Variants in PDXK observed in about 807,000 individuals in gnomAD.
PDXK encodes the protein pyridoxal kinase.
A neutral mutation model predicts 43.2 loss-of-function variants in PDXK; 15 were observed. The observed-to-expected ratio is 0.35, with a 90% confidence interval of 0.23 to 0.53. The LOEUF is 0.53. PDXK is among the 20% of genes least tolerant of loss of function. The pLI is 0.92. For missense variants in PDXK, 343 were observed against 417.0 expected (o/e 0.82, Z 1.54); for synonymous variants, 172 against 165.4 (o/e 1.04, Z -0.31).
chr21:43,747,316 A>G (rs2147288677), intron 5 of PDXK: 1 of 152,344 alleles, frequency 6.6e-6, no homozygotes, highest in East Asian at 1.9e-4. Context: ...TGGGTTTTTA[A>G]CTCAGCCATT....
intron 1 of PDXK, among the ~76,000 whole-genome samples, chr21:43,727,113 C>T (rs1176292867): frequency 2.0e-5 from 3 of 152,144 alleles, no homozygotes; most frequent in Non-Finnish European, 2.9e-5. Flanking sequence ...AAGGGAGGGG[C>T]GGATCCGCAG....
intron 2 of PDXK, chr21:43,738,913 C>T (rs996669415): frequency 6.6e-6 from 1 of 151,576 alleles, no homozygotes; most frequent in Non-Finnish European, 1.5e-5. Context: ...TGGCTCCTAC[C>T]TTTATGAACT....
rs1010951907 is a variant in PDXK at position 43,754,536 on chromosome 21, C to G, written c.759+817C>G. On this transcript the variant is annotated intron_variant, in intron 9 of 10. Coordinates refer to ENST00000291565, the MANE Select transcript of PDXK (RefSeq NM_003681.5). This position sits in a 1 kb window ranked among gnomAD's most constrained non-coding sequence, Gnocchi z 5.5. The stretch of plus-strand genomic sequence containing the variant: ...CCTGGAGTGTGTCTTCTTACAACAC[C>G]GTCCAGAGCCGTGCTGTGCTCTGAG... Among the ~76,000 whole-genome samples, 1 of 152,136 alleles carries G rather than the reference C, an allele frequency of 6.6e-6. No individual in the cohort carries two copies. The highest frequency in any genetic ancestry group is 2.1e-4 in the South Asian group (1 of 4,832).
At chr21:43,736,844 G>A in intron 2 of PDXK, 1 of 685,114 alleles carries the variant, frequency 1.5e-6, no homozygotes, top group Non-Finnish European at 2.7e-6. Context: ...TGTTGCCCAA[G>A]GTGGTCTTGA....
At chr21:43,724,190 T>C (rs1044045911) in intron 1 of PDXK, among the ~76,000 whole-genome samples, 3 of 152,208 alleles carry the variant, frequency 2.0e-5, no homozygotes, top group African/African-American at 7.2e-5. Flanking sequence ...GGAGGTTGTA[T>C]TTCTCTGTCT....
Position 43,732,322 on chromosome 21 carries a change from C to T in PDXK, c.88-1747C>T, listed in dbSNP as rs367948161. 120 of 1,604,050 alleles carry T rather than the reference C, an allele frequency of 7.5e-5. No homozygotes were observed. The African/African-American group carries it at 1.3e-3, about 17-fold the overall frequency. ...GCTCCCGTCCTGGACCTTGGCACCC[C>T]GCCCCCCGTGCATTGTCGTCTTCTG... On this transcript the variant is annotated intron_variant, in intron 1 of 10. Coordinates refer to ENST00000291565, the MANE Select transcript of PDXK (RefSeq NM_003681.5). This position sits in a 1 kb window ranked among gnomAD's most constrained non-coding sequence, Gnocchi z 4.1.
In PDXK at chr21:43,737,624, G is replaced by A. The variant is rs2083426994; in HGVS notation, c.142+3501G>A. 2.0e-6 allele frequency: 2 copies of A among 987,970 alleles called. No individual in the cohort carries two copies. The highest frequency in any genetic ancestry group is 1.8e-5 in the African/African-American group (1 of 56,136). 61.2% of individuals were successfully genotyped at this position (987,970 alleles called of 1,614,324 possible). ...TGGTGGTCCCTGCTGCAGGGAAGGG[G>A]CAGCTGGTGTGAACACAAGGAGCTG... On this transcript the variant is annotated intron_variant, in intron 2 of 10. Coordinates refer to ENST00000291565, the MANE Select transcript of PDXK (RefSeq NM_003681.5). The surrounding 1 kb of genome is among the most constrained non-coding windows in gnomAD (Gnocchi z 4.8).
At chr21:43,728,778 C>T in intron 1 of PDXK, 1 of 985,684 alleles carries the variant, frequency 1.0e-6, no homozygotes, top group Non-Finnish European at 1.2e-6. Flanking sequence ...GCTTGTGTCG[C>T]GGGCGGCAGG....
rs2083340279 is a variant in PDXK, at chr21:43,732,986, T to G, written c.88-1083T>G. Among the ~76,000 whole-genome samples the G allele has an allele frequency of 6.6e-6, 1 of 152,100 alleles. No individual in the cohort carries two copies. Among genetic ancestry groups the G allele is most frequent in the Non-Finnish European group, 1.5e-5 (1 of 68,006 alleles). On this transcript the variant is annotated intron_variant, in intron 1 of 10. Coordinates refer to ENST00000291565, the MANE Select transcript of PDXK (RefSeq NM_003681.5). This position sits in a 1 kb window ranked among gnomAD's most constrained non-coding sequence, Gnocchi z 4.1. The stretch of plus-strand genomic sequence containing the variant: ...TGGTCTTGAACTCCTGGCCTCAAAC[T>G]GTACTCCTACCTCGGCCTCCTAAAG...
At position 43,732,307 on chromosome 21, in the gene PDXK, T is replaced by C. The variant is rs547232552; in HGVS notation, c.88-1762T>C. ...TCTCTGGGGTCCCAGGCTCCCGTCC[T>C]GGACCTTGGCACCCCGCCCCCCGTG... is the stretch of plus-strand genomic sequence containing the variant. On this transcript the variant is annotated intron_variant, in intron 1 of 10. Transcript: ENST00000291565. The surrounding 1 kb of genome is among the most constrained non-coding windows in gnomAD (Gnocchi z 4.1). The C allele has an allele frequency of 1.4e-4, 218 of 1,600,654 alleles. 4 individuals carry two copies. In the South Asian group the frequency reaches 1.9e-3, roughly 14 times the overall value.
chr21:43,720,388 G>A (rs2083197476), intron 1 of PDXK, among the ~76,000 whole-genome samples: 1 of 152,210 alleles, frequency 6.6e-6, no homozygotes, highest in Non-Finnish European at 1.5e-5. Context: ...GTGCGGGCTG[G>A]CCTGGGAGGA....
rs184675429 is a variant in PDXK at position 43,737,218 on chromosome 21, C to T, written c.142+3095C>T. 1,095 of 1,433,994 alleles carry T rather than the reference C, an allele frequency of 7.6e-4. 9 individuals are homozygous for T. The African/African-American group carries it at 0.013, about 17-fold the overall frequency. The allele number at this position is 1,433,994 out of a possible 1,614,324, so 88.8% of individuals were successfully genotyped here. A position where few individuals can be genotyped will look rare whatever the true frequency, so the allele number is the denominator to read the frequency against. Reference sequence around the variant, plus strand: ...ACAAGCTGCGTTGTTGGTTCCCTGACGCCCTTCAGGCTGGGGGGTGGGAAA... The same window carrying T: ...ACAAGCTGCGTTGTTGGTTCCCTGATGCCCTTCAGGCTGGGGGGTGGGAAA... On this transcript the variant is annotated intron_variant, in intron 2 of 10. Coordinates refer to ENST00000291565, the MANE Select transcript of PDXK (RefSeq NM_003681.5). The surrounding 1 kb of genome is among the most constrained non-coding windows in gnomAD (Gnocchi z 4.8).
intron 3 of PDXK, among the ~76,000 whole-genome samples, 160 bp downstream of exon 3, chr21:43,741,931 C>G (rs2147268398): frequency 6.6e-6 from 1 of 152,190 alleles, no homozygotes; most frequent in South Asian, 2.1e-4. Flanking sequence ...CCCCCGGTAG[C>G]CTGGGGGGTC....
intron 1 of PDXK, among the ~76,000 whole-genome samples, chr21:43,726,565 C>T (rs1292108447): frequency 3.3e-5 from 5 of 152,144 alleles, no homozygotes; most frequent in African/African-American, 4.8e-5. Flanking sequence ...TGAGCCACCG[C>T]GCCCGGCCAA....
intron 2 of PDXK, chr21:43,741,139 T>TCGCGGGGG: frequency 1.4e-5 from 1 of 69,486 alleles, no homozygotes; most frequent in African/African-American, 6.4e-5. Flanking sequence ...TAACCATCCC[T>TCGCGGGGG]GACAGTGCAG....
In PDXK at chr21:43,741,692, G is replaced by A; in HGVS notation, c.168G>A (p.Val56=). ...HTGYAHWKGQ[V]LNSDELQELY... is the part of the protein sequence containing the mutation. ...GCTATGCCCACTGGAAGGGCCAAGT[G>A]CTGAATTCAGATGAGCTCCAGGAGT... is the stretch of plus-strand genomic sequence containing the variant. The change falls in exon 3 of 11, where the codon GTG becomes GTA. Residue 56 remains valine, a synonymous_variant. Transcript: ENST00000291565. 1.2e-6 allele frequency: 2 copies of A among 1,613,062 alleles called. No individual in the cohort carries two copies. The highest frequency in any genetic ancestry group is 1.7e-6 in the Non-Finnish European group (2 of 1,179,330).
chr21:43,734,084 A>G lies in PDXK; in HGVS notation c.103A>G (p.Ile35Val). Residue 35 changes from isoleucine (I) to valine (V), a missense_variant, in exon 2 of 11, where the codon ATT becomes GTT. Ile to Val is a conservative substitution (Grantham distance 29). Transcript: ENST00000291565. This position sits in a 1 kb window ranked among gnomAD's most constrained non-coding sequence, Gnocchi z 5.0. Reference protein sequence around the residue: ...TFPLQVLGFEIDAVNSVQFSN... With the variant: ...TFPLQVLGFEVDAVNSVQFSN... ...TGTCTTGCAGGTTTTGGGATTTGAG[A>G]TTGACGCGGTGAACTCTGTCCAGTT... The G allele has an allele frequency of 6.2e-7, 1 of 1,614,142 alleles. No homozygotes were observed. The highest frequency in any genetic ancestry group is 8.5e-7 in the Non-Finnish European group (1 of 1,180,024).
chr21:43,722,441 C>T (rs1041650695), intron 1 of PDXK, among the ~76,000 whole-genome samples: 1 of 152,244 alleles, frequency 6.6e-6, no homozygotes, highest in Non-Finnish European at 1.5e-5. Context: ...AGGTACACAG[C>T]TGTAGGGTTA....
rs1371995698 is a variant in PDXK, at chr21:43,757,401, CA to C, written c.*1339del. 6.6e-6 allele frequency: 1 copy of C among 152,274 alleles called. No homozygotes were observed. The highest frequency in any genetic ancestry group is 1.9e-4 in the East Asian group (1 of 5,190). 9.4% of individuals were successfully genotyped at this position (152,274 alleles called of 1,614,324 possible). ...ACGGCTGGAGAGAAATAGGGAGATG[CA>C]GGAAGTGGGGGCCCATGGGGCCCCC... On this transcript the variant is annotated 3_prime_UTR_variant, in exon 11 of 11. Coordinates refer to ENST00000291565, the MANE Select transcript of PDXK (RefSeq NM_003681.5).
Sources: gnomAD v4.1 joint callset for allele counts (sites outside exome capture counted in the v4.1 genomes callset) on GRCh38, gnomAD v4.1.1 for gene constraint, Gnocchi (gnomAD v3.1) non-coding constraint, MANE v1.5 for transcripts, NCBI Gene and HGNC (gene_info 2026-07-23, HGNC 2026-07-21) for gene names.